RNF115: variants seen among roughly 807,000 people sequenced by gnomAD.
RNF115 encodes the protein ring finger protein 115.
Under a neutral mutation model 39.2 loss-of-function variants are expected in RNF115, and 31 were observed. The ratio of observed to expected loss-of-function variants is 0.79; its 90% CI spans 0.59 to 1.07. The LOEUF is 1.07. Among genes scored for constraint, RNF115 ranks in the 50% least tolerant of loss-of-function variants. RNF115 has a pLI of 0.00. For synonymous variants in RNF115, 124 were observed against 131.0 expected, an observed-to-expected ratio of 0.95 and a Z score of 0.37; for missense variants, 384 against 381.7, an observed-to-expected ratio of 1.01 and a Z score of -0.05.
chr1:145,792,907 T>C (rs897614526), intron 1 of RNF115, among the ~76,000 whole-genome samples: 1 of 152,210 alleles, frequency 6.6e-6, no homozygotes, highest in Non-Finnish European at 1.5e-5. Context: ...ATAATGGGCA[T>C]ACTGTAAACT....
At chr1:145,802,285 G>A (rs1339240717) in intron 1 of RNF115, among the ~76,000 whole-genome samples, 1 of 152,136 alleles carries the variant, frequency 6.6e-6, no homozygotes, top group Non-Finnish European at 1.5e-5. Flanking sequence ...AACTCCCTAA[G>A]CATAGCTTAG....
At chr1:145,782,519 G>C (rs1197359787) in intron 3 of RNF115, among the ~76,000 whole-genome samples, 1 of 152,138 alleles carries the variant, frequency 6.6e-6, no homozygotes, top group East Asian at 1.9e-4. Context: ...TAAAGAACAC[G>C]AAGTTACAAG....
chr1:145,790,563 G>C (rs1177055264), intron 1 of RNF115, among the ~76,000 whole-genome samples: 2 of 151,794 alleles, frequency 1.3e-5, no homozygotes, highest in East Asian at 3.9e-4. Context: ...CTCCCAAGTA[G>C]CTGGGATTAT....
At chr1:145,819,257 G>A (rs1413938807) in intron 1 of RNF115, among the ~76,000 whole-genome samples, 4 of 116,648 alleles carry the variant, frequency 3.4e-5, no homozygotes, top group African/African-American at 6.2e-5. Context: ...GCAACATGAC[G>A]AAACCTTATC....
intron 4 of RNF115, among the ~76,000 whole-genome samples, chr1:145,765,925 AG>A (rs1194811249): frequency 6.6e-6 from 1 of 152,210 alleles, no homozygotes; most frequent in East Asian, 1.9e-4. Flanking sequence ...AGTTGGTGTG[AG>A]GAACACACTA....
chr1:145,787,571 C>CAAAAAA (rs1192063003), intron 2 of RNF115, among the ~76,000 whole-genome samples: 24 of 88,832 alleles, frequency 2.7e-4, no homozygotes, highest in Non-Finnish European at 3.5e-4. Context: ...GACTCCGTCA[C>CAAAAAA]AAAAAAAAAA....
At chr1:145,780,758 G>A (rs1648106853) in intron 3 of RNF115, among the ~76,000 whole-genome samples, 1 of 151,608 alleles carries the variant, frequency 6.6e-6, no homozygotes, top group Non-Finnish European at 1.5e-5. Flanking sequence ...AGAGCACCCT[G>A]CCCTCTTGTG....
intron 2 of RNF115, among the ~76,000 whole-genome samples, chr1:145,787,571 C>CA (rs1192063003): frequency 1.1e-3 from 94 of 88,882 alleles, no homozygotes; most frequent in East Asian, 1.6e-3. Flanking sequence ...GACTCCGTCA[C>CA]AAAAAAAAAA....
At chr1:145,780,074 A>G (rs1285606683) in intron 3 of RNF115, among the ~76,000 whole-genome samples, 1 of 152,010 alleles carries the variant, frequency 6.6e-6, no homozygotes, top group Non-Finnish European at 1.5e-5. Flanking sequence ...CCAAAAATAC[A>G]AAAATTAGCC....
intron 3 of RNF115, among the ~76,000 whole-genome samples, chr1:145,781,119 C>T (rs1405821955): frequency 6.6e-6 from 1 of 152,118 alleles, no homozygotes; most frequent in East Asian, 1.9e-4. Context: ...TTCTCTCTAT[C>T]CCATTAGTCT....
chr1:145,806,153 G>A (rs907372328), intron 1 of RNF115, among the ~76,000 whole-genome samples: 1 of 152,102 alleles, frequency 6.6e-6, no homozygotes, highest in African/African-American at 2.4e-5. Flanking sequence ...TTCAAGACCA[G>A]CCTGGCCAAC....
rs1657657318 is a variant in RNF115, at chr1:145,740,501, G to C, written c.*6365C>G. On this transcript the variant is annotated 3_prime_UTR_variant, in exon 9 of 9. Coordinates refer to ENST00000582693, the MANE Select transcript of RNF115 (RefSeq NM_014455.4). ...ATACTTGTGTCTTGGCTTTCAAAAT[G>C]TGTTGATACAATTGCCTTCAAATAA... 1 of 152,248 alleles carries C rather than the reference G, an allele frequency of 6.6e-6. No homozygotes were observed. The highest frequency in any genetic ancestry group is 6.5e-5 in the Admixed American group (1 of 15,272). The allele number at this position is 152,248 out of a possible 1,614,324, so 9.4% of individuals were successfully genotyped here.
At chr1:145,761,427 A>G (rs1258336989) in intron 4 of RNF115, among the ~76,000 whole-genome samples, 3 of 152,130 alleles carry the variant, frequency 2.0e-5, no homozygotes, top group African/African-American at 7.2e-5. Context: ...CAGCCTAGGG[A>G]CTTGGTGCCC....
At chr1:145,759,403 C>T (rs1357797584) in intron 4 of RNF115, among the ~76,000 whole-genome samples, 1 of 152,152 alleles carries the variant, frequency 6.6e-6, no homozygotes, top group East Asian at 1.9e-4. Flanking sequence ...TCCTAATGTT[C>T]CCCATGTCAG....
intron 1 of RNF115, among the ~76,000 whole-genome samples, chr1:145,792,080 G>A (rs1273682110): frequency 6.6e-6 from 1 of 152,004 alleles, no homozygotes; most frequent in Non-Finnish European, 1.5e-5. Context: ...ACCATGACCA[G>A]CTATTTGTAT....
intron 3 of RNF115, among the ~76,000 whole-genome samples, chr1:145,782,534 G>C (rs1268645855): frequency 6.6e-6 from 1 of 152,136 alleles, no homozygotes; most frequent in Non-Finnish European, 1.5e-5. Context: ...TACAAGCTAT[G>C]AATCAGCAAA....
chr1:145,784,068 C>T (rs1648267645), intron 3 of RNF115, among the ~76,000 whole-genome samples: 1 of 152,138 alleles, frequency 6.6e-6, no homozygotes, highest in South Asian at 2.1e-4. Context: ...CCTTAATCTA[C>T]ACCAAACTAC....
intron 7 of RNF115, among the ~76,000 whole-genome samples, chr1:145,748,767 C>T (rs782758669): frequency 4.6e-5 from 7 of 151,962 alleles, no homozygotes; most frequent in Admixed American, 1.3e-4. Context: ...CGCCTGTAAA[C>T]CCACCTACTC....
intron 1 of RNF115, among the ~76,000 whole-genome samples, chr1:145,794,748 T>G (rs1324008262): frequency 1.3e-5 from 2 of 151,884 alleles, no homozygotes; most frequent in Admixed American, 1.3e-4. Flanking sequence ...CCAGGCGCAG[T>G]AGCTCACGCC....
Sources: allele counts gnomAD v4.1 joint callset (sites outside exome capture counted in the v4.1 genomes callset), GRCh38; gene constraint gnomAD v4.1.1; transcripts MANE v1.5; gene names NCBI Gene and HGNC (gene_info 2026-07-23, HGNC 2026-07-21).